The following GRM1 variants were observed in gnomAD, a reference collection of about 807,000 sequenced individuals.
GRM1 encodes glutamate metabotropic receptor 1, also known as metabotropic glutamate receptor 1.
In GRM1, 33 loss-of-function variants were observed where a neutral mutation model predicts 90.9. The observed-to-expected ratio is 0.36, with a 90% CI of 0.28 to 0.49. GRM1 has a LOEUF of 0.49. Ranked by LOEUF, GRM1 falls within the 20% of genes least tolerant of loss-of-function variation. The pLI, the probability that GRM1 is intolerant of heterozygous loss-of-function variation, is 0.99. For synonymous variants in GRM1, 700 were observed against 613.2 expected, an observed-to-expected ratio of 1.14 and a Z score of -2.09; for missense variants, 1,190 against 1,534.3, an observed-to-expected ratio of 0.78 and a Z score of 3.75.
At chr6:146,282,803 GTA>G (rs1250656699) in intron 2 of GRM1, among the ~76,000 whole-genome samples, 1 of 152,142 alleles carries the variant, frequency 6.6e-6, no homozygotes, top group Non-Finnish European at 1.5e-5. Context: ...TCAAACTTAA[GTA>G]TGTGTACATA....
chr6:146,075,975 G>C (rs1027608685), intron 1 of GRM1, among the ~76,000 whole-genome samples: 1 of 152,200 alleles, frequency 6.6e-6, no homozygotes, highest in African/African-American at 2.4e-5. Flanking sequence ...ACATTCATAA[G>C]TACTGGGAAT....
chr6:146,141,234 A>C (rs1194697368), intron 1 of GRM1, among the ~76,000 whole-genome samples: 1 of 151,670 alleles, frequency 6.6e-6, no homozygotes, highest in Non-Finnish European at 1.5e-5. Context: ...GTTTCCACTG[A>C]AAAGTCTGCT....
intron 7 of GRM1, among the ~76,000 whole-genome samples, chr6:146,415,637 G>C (rs1777754275): frequency 6.6e-6 from 1 of 152,160 alleles, no homozygotes; most frequent in African/African-American, 2.4e-5. Context: ...GGTAGTGTAA[G>C]TCCTTCAACT....
At position 146,321,585 on chromosome 6, in the gene GRM1, T is replaced by C. The variant is rs1292335834; in HGVS notation, c.1186+16739T>C. On this transcript the variant is annotated intron_variant, in intron 3 of 7. Transcript: ENST00000282753. ...CAGTGGGGTGTTAAATCTCCCACTA[T>C]TATTATGTGGGAGTCTAAGTCTCTT... 3.3e-5 allele frequency among the ~76,000 whole-genome samples: 5 copies of C among 152,100 alleles called. 1 individual carries two copies. Among genetic ancestry groups the C allele is most frequent in the Admixed American group, 3.3e-4 (5 of 15,268 alleles).
chr6:146,355,214 G>T (rs362883), intron 4 of GRM1, among the ~76,000 whole-genome samples: 2,186 of 152,204 alleles, frequency 0.014, 42 homozygotes, highest in African/African-American at 0.05. Flanking sequence ...AGCACAACAG[G>T]TTCTATAGCT....
chr6:146,360,419 G>A (rs1325948408), intron 5 of GRM1, among the ~76,000 whole-genome samples: 2 of 151,984 alleles, frequency 1.3e-5, no homozygotes, highest in Non-Finnish European at 2.9e-5. Flanking sequence ...ATTGTTGTGT[G>A]TAACCTTAGG....
chr6:146,058,771 A>T (rs376392774), intron 1 of GRM1, among the ~76,000 whole-genome samples: 4 of 152,246 alleles, frequency 2.6e-5, no homozygotes, highest in African/African-American at 9.6e-5. Flanking sequence ...TAATGGTCTC[A>T]ATCATTTGTT....
rs1198489072 is a variant in GRM1 at position 146,399,649 on chromosome 6, C to A, written c.2610C>A (p.Asn870Lys). Residue 870 changes from asparagine to lysine, a missense_variant, in exon 7 of 8, where the codon AAC (asparagine) becomes AAA (lysine). Coordinates refer to ENST00000282753, the MANE Select transcript of GRM1 (RefSeq NM_001278064.2). The surrounding 1 kb of genome is among the most constrained non-coding windows in gnomAD (Gnocchi z 5.4). Reference sequence around the variant, plus strand: ...ATGGCAAGCTGCCCTGCCGCTCCAACACTTTCCTCAACATCTTCCGAAGAA... The same window carrying A: ...ATGGCAAGCTGCCCTGCCGCTCCAAAACTTTCCTCAACATCTTCCGAAGAA... ...VGDGKLPCRS[N>K]TFLNIFRRKK... 6 of 1,614,090 alleles carry A rather than the reference C, an allele frequency of 3.7e-6. No individual in the cohort carries two copies. The highest frequency in any genetic ancestry group is 4.2e-6 in the Non-Finnish European group (5 of 1,180,008).
chr6:146,192,521 G>A (rs1191638285), intron 2 of GRM1, among the ~76,000 whole-genome samples: 11 of 152,082 alleles, frequency 7.2e-5, no homozygotes, highest in South Asian at 2.1e-4. Context: ...TAAAATACCC[G>A]ATATATGTAA....
In GRM1 at chr6:146,129,751, A is replaced by G. The variant is rs576518170; in HGVS notation, c.701-29597A>G. On this transcript the variant is annotated intron_variant, in intron 1 of 7. Coordinates refer to ENST00000282753, the MANE Select transcript of GRM1 (RefSeq NM_001278064.2). Reference sequence around the variant, plus strand: ...GTCATTATTAGGATCTCCCTATGGCAGACACTTCTGCAACAGAAAGGGCCC... The same window carrying G: ...GTCATTATTAGGATCTCCCTATGGCGGACACTTCTGCAACAGAAAGGGCCC... Among the ~76,000 whole-genome samples the G allele has an allele frequency of 2.6e-5, 4 of 152,280 alleles. No homozygotes were observed. The South Asian group carries it at 8.3e-4, about 32-fold the overall frequency.
At chr6:146,426,791 A>T in intron 7 of GRM1, 1 of 600,090 alleles carries the variant, frequency 1.7e-6, no homozygotes, top group Non-Finnish European at 3.0e-6. Flanking sequence ...GACTGCCTTA[A>T]ATTGATTGTC....
At chr6:146,122,321 T>A (rs1480554515) in intron 1 of GRM1, among the ~76,000 whole-genome samples, 1 of 152,172 alleles carries the variant, frequency 6.6e-6, no homozygotes, top group Non-Finnish European at 1.5e-5. Context: ...AATGTTTGTT[T>A]CTCCTTATCT....
At chr6:146,397,648 G>A (rs1432199966) in intron 6 of GRM1, among the ~76,000 whole-genome samples, 1 of 152,078 alleles carries the variant, frequency 6.6e-6, no homozygotes, top group African/African-American at 2.4e-5. Context: ...TGCAGCTTCT[G>A]AGAGCTGGTT....
chr6:146,063,200 C>G (rs1353710728), intron 1 of GRM1, among the ~76,000 whole-genome samples: 1 of 152,180 alleles, frequency 6.6e-6, no homozygotes, highest in Non-Finnish European at 1.5e-5. Flanking sequence ...AAAGTACCAC[C>G]AGAGCAGTGC....
chr6:146,163,822 T>G (rs1777817679), intron 2 of GRM1, among the ~76,000 whole-genome samples: 1 of 152,220 alleles, frequency 6.6e-6, no homozygotes, highest in Non-Finnish European at 1.5e-5. Flanking sequence ...TTTATTTCTT[T>G]GCATTCTTTT....
chr6:146,126,921 A>G (rs1409945972), intron 1 of GRM1, among the ~76,000 whole-genome samples: 3 of 152,180 alleles, frequency 2.0e-5, no homozygotes, highest in African/African-American at 7.2e-5. Flanking sequence ...GTAGGTGTGG[A>G]TTCAAGGTTG....
At chr6:146,277,203 G>A (rs1562576187) in intron 2 of GRM1, among the ~76,000 whole-genome samples, 1 of 152,212 alleles carries the variant, frequency 6.6e-6, no homozygotes, top group Non-Finnish European at 1.5e-5. Flanking sequence ...TGTAATATGA[G>A]TGTGTGCTCA....
intron 1 of GRM1, among the ~76,000 whole-genome samples, chr6:146,149,618 C>T (rs1777241689): frequency 6.6e-6 from 1 of 152,188 alleles, no homozygotes; most frequent in East Asian, 1.9e-4. Flanking sequence ...CAGCTCTTTA[C>T]TGAGGATGCA....
chr6:146,368,068 A>G (rs1235748240), intron 5 of GRM1, among the ~76,000 whole-genome samples: 1 of 152,124 alleles, frequency 6.6e-6, no homozygotes, highest in Non-Finnish European at 1.5e-5. Context: ...TTTTGATTGT[A>G]AAAATATTTT....
Sources: allele counts gnomAD v4.1 joint callset (sites outside exome capture counted in the v4.1 genomes callset), GRCh38; gene constraint gnomAD v4.1.1; non-coding constraint Gnocchi (gnomAD v3.1); transcripts MANE v1.5; gene names NCBI Gene and HGNC (gene_info 2026-07-23, HGNC 2026-07-21).